BICRA: variants seen among roughly 807,000 people sequenced by gnomAD.
The protein encoded by BICRA is BRD4 interacting chromatin remodeling complex associated protein.
A neutral mutation model predicts 96.9 loss-of-function variants in BICRA; 31 were observed. That is an observed-to-expected ratio of 0.32 (90% CI 0.24 to 0.43). The LOEUF is 0.43. Among genes scored for constraint, BICRA ranks in the 20% least tolerant of loss-of-function variants. BICRA has a pLI of 1.00. For missense variants in BICRA, 2,283 were observed against 2,190.3 expected (o/e 1.04, Z -0.84); for synonymous variants, 1,350 against 1,071.8 (o/e 1.26, Z -5.07).
chr19:47,680,547 C>T lies in BICRA; in HGVS notation c.1377C>T (p.Val459=), dbSNP rs750507861. Residue 459 remains valine (V), a synonymous_variant, in exon 6 of 15, where the codon GTC becomes GTT. Transcript: ENST00000594866. ...TCCTGAACCAAGGCAGCAGCATCGT[C>T]ATCCCCGCCCAGCACATGCTGCCGG... The part of the protein sequence containing the change: ...VHLLNQGSSI[V]IPAQHMLPGQ... 1 of 1,577,328 alleles carries T rather than the reference C, an allele frequency of 6.3e-7. No individual in the cohort carries two copies. Among genetic ancestry groups the T allele is most frequent in the Non-Finnish European group, 8.6e-7 (1 of 1,162,952 alleles).
intron 1 of BICRA, among the ~76,000 whole-genome samples, chr19:47,624,745 A>G (rs924368193): frequency 1.1e-4 from 17 of 151,378 alleles, no homozygotes; most frequent in African/African-American, 4.1e-4. Context: ...CCCAGGCTGG[A>G]ATGCAGTGGT....
intron 1 of BICRA, among the ~76,000 whole-genome samples, chr19:47,625,552 T>G (rs1397335369): frequency 6.6e-6 from 1 of 152,152 alleles, no homozygotes; most frequent in African/African-American, 2.4e-5. Context: ...TGATACTGAA[T>G]GATTGAGGGG....
chr19:47,650,370 A>G (rs756778587), intron 1 of BICRA, among the ~76,000 whole-genome samples: 1 of 152,094 alleles, frequency 6.6e-6, no homozygotes, highest in Non-Finnish European at 1.5e-5. Context: ...CGACCTCGTG[A>G]TCCTCCCGCC....
At chr19:47,689,458 T>G (rs1436329988) in intron 7 of BICRA, among the ~76,000 whole-genome samples, 4 of 152,158 alleles carry the variant, frequency 2.6e-5, no homozygotes, top group Non-Finnish European at 5.9e-5. Context: ...TCGCCCAGGC[T>G]GGAGTGCAGT....
intron 1 of BICRA, among the ~76,000 whole-genome samples, chr19:47,640,895 ATTTTTTTT>A (rs35232398): frequency 1.1e-5 from 1 of 95,226 alleles, no homozygotes; most frequent in African/African-American, 4.4e-5. Context: ...TCAGAGTCAG[ATTTTTTTT>A]TTTTTTTTTT....
chr19:47,702,518 C>G lies in BICRA; in HGVS notation c.*103C>G. 7.6e-7 allele frequency: 1 copy of G among 1,316,246 alleles called. No homozygotes were observed. The highest frequency in any genetic ancestry group is 9.8e-7 in the Non-Finnish European group (1 of 1,019,582). The allele number at this position is 1,316,246 out of a possible 1,614,324, so 81.5% of individuals were successfully genotyped here. ...GGGACTCGAGCCGGGGATCCCCTGA[C>G]GGTTTTTCTTGCCTAAGTTATTTGA... On this transcript the variant is annotated 3_prime_UTR_variant, in exon 15 of 15. Transcript: ENST00000594866.
Position 47,644,369 on chromosome 19 carries a change from A to G in BICRA, c.-107-26074A>G, listed in dbSNP as rs11879774. 8.2e-3 allele frequency among the ~76,000 whole-genome samples: 1,206 copies of G among 147,898 alleles called. 18 individuals are homozygous for G. Among genetic ancestry groups the G allele is most frequent in the African/African-American group, 0.029 (1,160 of 39,952 alleles). ...TATTTTGCCACATTTCCTTTCTTTTATTTTCTTTGCTTTTCCTTTTCTTTT... is the reference window on the plus strand; with the variant it reads ...TATTTTGCCACATTTCCTTTCTTTTGTTTTCTTTGCTTTTCCTTTTCTTTT... On this transcript the variant is annotated intron_variant, in intron 1 of 14. Coordinates refer to ENST00000594866, the MANE Select transcript of BICRA (RefSeq NM_001394372.1).
Position 47,702,249 on chromosome 19 carries a change from A to T in BICRA, c.4517A>T (p.Asp1506Val). 1 of 1,598,438 alleles carries T rather than the reference A, an allele frequency of 6.3e-7. No homozygotes were observed. The highest frequency in any genetic ancestry group is 8.5e-7 in the Non-Finnish European group (1 of 1,177,670). Reference sequence around the variant, plus strand: ...ACCGAGCACCTGCAGAGCGCCATCGACAGCATCCTGAACCTGCAGCAGGCC... The same window carrying T: ...ACCGAGCACCTGCAGAGCGCCATCGTCAGCATCCTGAACCTGCAGCAGGCC... ...TLTEHLQSAI[D>V]SILNLQQAPG... Residue 1506 changes from aspartate (D) to valine (V), a missense_variant, in exon 15 of 15, where the codon GAC becomes GTC. By Grantham distance (152) the Asp-to-Val change is radical. Transcript: ENST00000594866.
At chr19:47,623,636 C>T (rs1042583875) in intron 1 of BICRA, among the ~76,000 whole-genome samples, 2 of 152,154 alleles carry the variant, frequency 1.3e-5, no homozygotes, top group Non-Finnish European at 2.9e-5. Context: ...CACACCCATT[C>T]CCCTGCAAAG....
chr19:47,695,352 C>A lies in BICRA; in HGVS notation c.3077-13C>A. The A allele has an allele frequency of 1.5e-6, 1 of 686,676 alleles. No individual in the cohort carries two copies. Among genetic ancestry groups the A allele is most frequent in the South Asian group, 1.8e-5 (1 of 55,774 alleles). 42.5% of individuals were successfully genotyped at this position (686,676 alleles called of 1,614,324 possible). A position where few individuals can be genotyped will look rare whatever the true frequency, so the allele number is the denominator to read the frequency against. On this transcript the variant is annotated splice_polypyrimidine_tract_variant and intron_variant, in intron 9 of 14. Coordinates refer to ENST00000594866, the MANE Select transcript of BICRA (RefSeq NM_001394372.1). Reference sequence around the variant, plus strand: ...ACCGCAGGCCCTGTCTCCCCCACCCCACCCACCCCCAGGCCTCCCTCCTCT... The same window carrying A: ...ACCGCAGGCCCTGTCTCCCCCACCCAACCCACCCCCAGGCCTCCCTCCTCT...
chr19:47,685,744 T>G (rs896237623), intron 7 of BICRA, among the ~76,000 whole-genome samples: 3 of 96,682 alleles, frequency 3.1e-5, no homozygotes, highest in African/African-American at 1.3e-4. Flanking sequence ...GCAGCCTCTG[T>G]GTGTGTGTGT....
intron 1 of BICRA, among the ~76,000 whole-genome samples, chr19:47,624,130 C>T (rs1024945646): frequency 6.6e-6 from 1 of 152,144 alleles, no homozygotes; most frequent in Non-Finnish European, 1.5e-5. Flanking sequence ...GGATTACAGG[C>T]GTGAGCCAAC....
chr19:47,632,943 G>T (rs1409679712), intron 1 of BICRA, among the ~76,000 whole-genome samples: 1 of 152,048 alleles, frequency 6.6e-6, no homozygotes, highest in African/African-American at 2.4e-5. Flanking sequence ...GTGGTGCAAG[G>T]GTTCGGCTCA....
At chr19:47,615,357 A>G (rs1298502778) in intron 1 of BICRA, among the ~76,000 whole-genome samples, 2 of 152,190 alleles carry the variant, frequency 1.3e-5, no homozygotes, top group Non-Finnish European at 2.9e-5. Context: ...CCCAGGCAGC[A>G]TCTCCAGGCT....
chr19:47,633,179 C>T (rs996599916), intron 1 of BICRA, among the ~76,000 whole-genome samples: 1 of 141,210 alleles, frequency 7.1e-6, no homozygotes, highest in Non-Finnish European at 1.5e-5. Context: ...CTCTAAAATT[C>T]AAGCAGTTTT....
Position 47,694,127 on chromosome 19 carries a change from G to A in BICRA, c.2296G>A (p.Ala766Thr). ...PAPAPQIPAAAPLKGPGPSSS... is the reference protein window; with the variant it reads ...PAPAPQIPAATPLKGPGPSSS... The stretch of plus-strand genomic sequence containing the variant: ...CTCCCCTGCCCAGATCCCGGCAGCG[G>A]CTCCGCTGAAGGGCCCAGGCCCCTC... Residue 766 changes from alanine (A) to threonine (T), a missense_variant, in exon 8 of 15, where the codon GCT (alanine) becomes ACT (threonine). Transcript: ENST00000594866. 6.7e-7 allele frequency: 1 copy of A among 1,495,748 alleles called. No individual in the cohort carries two copies. 92.7% of individuals were successfully genotyped at this position (1,495,748 alleles called of 1,614,324 possible).
chr19:47,699,175 A>G lies in BICRA; in HGVS notation c.3492+116A>G. The stretch of plus-strand genomic sequence containing the variant: ...CCCGCCCCTCCTAGCCCCGGGAGGG[A>G]GGTTGGGAGGGAGGCGGGAGCTCCC... On this transcript the variant is annotated intron_variant, in intron 13 of 14. Coordinates refer to ENST00000594866, the MANE Select transcript of BICRA (RefSeq NM_001394372.1). This position sits in a 1 kb window ranked among gnomAD's most constrained non-coding sequence, Gnocchi z 5.0. 8.7e-6 allele frequency: 8 copies of G among 920,862 alleles called. 1 individual carries two copies. In the South Asian group the frequency reaches 1.1e-4, roughly 13 times the overall value. The allele number at this position is 920,862 out of a possible 1,614,324, so 57.0% of individuals were successfully genotyped here. A position where few individuals can be genotyped will look rare whatever the true frequency, so the allele number is the denominator to read the frequency against.
chr19:47,660,118 T>C (rs571389567), intron 1 of BICRA, among the ~76,000 whole-genome samples: 2 of 152,068 alleles, frequency 1.3e-5, no homozygotes, highest in African/African-American at 4.8e-5. Flanking sequence ...AGGCCCTAAG[T>C]CCAAAATGAG....
intron 1 of BICRA, among the ~76,000 whole-genome samples, chr19:47,618,414 T>C (rs907974199): frequency 3.9e-5 from 6 of 152,152 alleles, no homozygotes; most frequent in African/African-American, 1.4e-4. Context: ...TATTGTTAAA[T>C]AAGGTCTAGC....
Sources: gnomAD v4.1 joint callset for allele counts (sites outside exome capture counted in the v4.1 genomes callset) on GRCh38, gnomAD v4.1.1 for gene constraint, Gnocchi (gnomAD v3.1) non-coding constraint, MANE v1.5 for transcripts, NCBI Gene and HGNC (gene_info 2026-07-23, HGNC 2026-07-21) for gene names.